Variants in SLC25A25 observed in about 807,000 individuals in gnomAD.
The protein encoded by SLC25A25 is mitochondrial adenyl nucleotide antiporter SLC25A25.
Under a neutral mutation model 57.7 loss-of-function variants are expected in SLC25A25, and 32 were observed. That is an observed-to-expected ratio of 0.55 (90% CI 0.42 to 0.74). The LOEUF is 0.74. SLC25A25 is among the 30% of genes least tolerant of loss of function. The pLI is 0.00. For missense variants in SLC25A25, 556 were observed against 701.3 expected, an observed-to-expected ratio of 0.79 and a Z score of 2.34; for synonymous variants, 306 against 291.2, an observed-to-expected ratio of 1.05 and a Z score of -0.52.
chr9:128,071,421 T>C (rs566770915), intron 1 of SLC25A25, among the ~76,000 whole-genome samples: 2 of 152,270 alleles, frequency 1.3e-5, no homozygotes, highest in East Asian at 1.9e-4. Context: ...ATTATTACTT[T>C]TCTGAGATGG....
chr9:128,102,157 A>G lies in SLC25A25; in HGVS notation c.512+42A>G, dbSNP rs990010240. The G allele has an allele frequency of 1.9e-6, 3 of 1,548,936 alleles. No homozygotes were observed. Among genetic ancestry groups the G allele is most frequent in the South Asian group, 1.2e-5 (1 of 84,020 alleles). On this transcript the variant is annotated intron_variant, in intron 4 of 10. Transcript: ENST00000373069. The surrounding 1 kb of genome is among the most constrained non-coding windows in gnomAD (Gnocchi z 4.1). Reference sequence around the variant, plus strand: ...CTCATGACTGCCTCCCTTGACTTCCATGCCTGATCAGAGCGGGATTCTTGT... The same window carrying G: ...CTCATGACTGCCTCCCTTGACTTCCGTGCCTGATCAGAGCGGGATTCTTGT...
In SLC25A25 at chr9:128,099,470, T is replaced by TG. The variant is rs1223976245; in HGVS notation, c.262-1626_262-1625insG. On this transcript the variant is annotated intron_variant, in intron 1 of 10. Coordinates refer to ENST00000373069, the MANE Select transcript of SLC25A25 (RefSeq NM_001330988.2). This position sits in a 1 kb window ranked among gnomAD's most constrained non-coding sequence, Gnocchi z 6.8. ...CTCACCCTGGCAGCAGGCGGCTGGG[T>TG]CCCAGAGGGCTCCATGCCTGATGTT... 1 of 1,073,758 alleles carries TG rather than the reference T, an allele frequency of 9.3e-7. No individual in the cohort carries two copies. Among genetic ancestry groups the TG allele is most frequent in the African/African-American group, 1.7e-5 (1 of 57,442 alleles). 66.5% of individuals were successfully genotyped at this position (1,073,758 alleles called of 1,614,324 possible).
At chr9:128,087,762 C>T (rs10819349) in intron 1 of SLC25A25, among the ~76,000 whole-genome samples, 113,051 of 152,146 alleles carry the variant, frequency 0.74, 43,819 homozygotes, top group Non-Finnish European at 0.85. Context: ...TTTTAGGAAG[C>T]TTCTATTGCT....
Position 128,108,394 on chromosome 9 carries a change from A to AGC in SLC25A25, c.*951_*952dup, listed in dbSNP as rs1385929135. On this transcript the variant is annotated 3_prime_UTR_variant, in exon 11 of 11. Coordinates refer to ENST00000373069, the MANE Select transcript of SLC25A25 (RefSeq NM_001330988.2). ...CTGTGCTTCCAGAGGAAGACGAGGG[A>AGC]GCAGGAGCTTGGCTGACTGCTCAGA... 1 of 397,526 alleles carries AGC rather than the reference A, an allele frequency of 2.5e-6. No homozygotes were observed. Among genetic ancestry groups the AGC allele is most frequent in the East Asian group, 3.6e-5 (1 of 28,060 alleles). The allele number at this position is 397,526 out of a possible 1,614,324, so 24.6% of individuals were successfully genotyped here.
At chr9:128,079,354 G>A (rs1039571630) in intron 1 of SLC25A25, among the ~76,000 whole-genome samples, 5 of 141,918 alleles carry the variant, frequency 3.5e-5, no homozygotes, top group African/African-American at 1.3e-4. Flanking sequence ...ACACAGAACC[G>A]CCTACATTGT....
chr9:128,098,292 G>C (rs1051440305), intron 1 of SLC25A25: 7 of 338,392 alleles, frequency 2.1e-5, no homozygotes, highest in African/African-American at 1.3e-4. Context: ...AGAGTTAACT[G>C]CAGGGAGGGA....
chr9:128,087,150 G>A (rs1381510520), intron 1 of SLC25A25, among the ~76,000 whole-genome samples: 3 of 151,092 alleles, frequency 2.0e-5, no homozygotes, highest in African/African-American at 7.3e-5. Context: ...GGAAGGCAGA[G>A]GTTACAGTGA....
chr9:128,076,992 T>C (rs1033469752), intron 1 of SLC25A25, among the ~76,000 whole-genome samples: 1 of 152,172 alleles, frequency 6.6e-6, no homozygotes, highest in Non-Finnish European at 1.5e-5. Flanking sequence ...TGAAATCTTG[T>C]ATCTGCTGCT....
At chr9:128,078,984 C>T (rs548549160) in intron 1 of SLC25A25, among the ~76,000 whole-genome samples, 35 of 152,194 alleles carry the variant, frequency 2.3e-4, no homozygotes, top group African/African-American at 8.2e-4. Context: ...CACAGGAAGC[C>T]GTGACTAAAA....
intron 1 of SLC25A25, among the ~76,000 whole-genome samples, chr9:128,072,379 G>T (rs1832925642): frequency 6.6e-6 from 1 of 152,212 alleles, no homozygotes; most frequent in East Asian, 1.9e-4. Context: ...ATCAAACTTT[G>T]GAAGGTGCTT....
intron 1 of SLC25A25, chr9:128,098,575 T>C (rs776767949): frequency 2.7e-5 from 43 of 1,613,900 alleles, no homozygotes; most frequent in Non-Finnish European, 3.5e-5. Context: ...ACATGCTCTG[T>C]CTGTGCCTGT....
chr9:128,107,182 A>T lies in SLC25A25; in HGVS notation c.1363+3A>T. The T allele has an allele frequency of 6.2e-7, 1 of 1,613,780 alleles. No homozygotes were observed. The highest frequency in any genetic ancestry group is 8.5e-7 in the Non-Finnish European group (1 of 1,180,020). ...CAGGACCCGGATGCAGGCGCAAGGTAAGGCTGGCCCTGGACAGTCCCCTGG... is the reference window on the plus strand; with the variant it reads ...CAGGACCCGGATGCAGGCGCAAGGTTAGGCTGGCCCTGGACAGTCCCCTGG... On this transcript the variant is annotated splice_donor_region_variant and intron_variant, in intron 10 of 10. Coordinates refer to ENST00000373069, the MANE Select transcript of SLC25A25 (RefSeq NM_001330988.2).
rs1175351152 is a variant in SLC25A25 at position 128,108,044 on chromosome 9, A to T, written c.*600A>T. On this transcript the variant is annotated 3_prime_UTR_variant, in exon 11 of 11. Transcript: ENST00000373069. ...AGGATCTGGCCTTGTGGTCACTGGC[A>T]TCTGAGCCCTGCTGATGGCTGGGGC... 1 of 398,858 alleles carries T rather than the reference A, an allele frequency of 2.5e-6. No homozygotes were observed. Among genetic ancestry groups the T allele is most frequent in the Non-Finnish European group, 4.4e-6 (1 of 226,250 alleles). 24.7% of individuals were successfully genotyped at this position (398,858 alleles called of 1,614,324 possible).
chr9:128,101,973 G>GT lies in SLC25A25; in HGVS notation c.477-106dup, dbSNP rs1833816912. The GT allele has an allele frequency of 4.6e-6, 6 of 1,306,938 alleles. No homozygotes were observed. Among genetic ancestry groups the GT allele is most frequent in the Non-Finnish European group, 6.4e-6 (6 of 935,838 alleles). 81.0% of individuals were successfully genotyped at this position (1,306,938 alleles called of 1,614,324 possible). ...TGCTGTGGCGGGCTCGTCTCGTGCC[G>GT]TGCTGTGCCCCTGTCTCTGGGTGTG... On this transcript the variant is annotated intron_variant, in intron 3 of 10. Coordinates refer to ENST00000373069, the MANE Select transcript of SLC25A25 (RefSeq NM_001330988.2). The surrounding 1 kb of genome is among the most constrained non-coding windows in gnomAD (Gnocchi z 4.9).
intron 1 of SLC25A25, chr9:128,098,501 A>T (rs1833636567): frequency 6.5e-7 from 1 of 1,550,016 alleles, no homozygotes; most frequent in African/African-American, 1.4e-5. Context: ...GTTTCCCGGG[A>T]CCGGCAGCAT....
chr9:128,078,910 A>G (rs1588751783), intron 1 of SLC25A25, among the ~76,000 whole-genome samples: 1 of 152,080 alleles, frequency 6.6e-6, no homozygotes, highest in Non-Finnish European at 1.5e-5. Context: ...ATTTATTTTC[A>G]TAGTTTATGA....
rs550178633 is a variant in SLC25A25, at chr9:128,096,900, C to T, written c.262-4196C>T. On this transcript the variant is annotated intron_variant, in intron 1 of 10. Transcript: ENST00000373069. Reference sequence around the variant, plus strand: ...AATCTGCCTGGATAATCCAGTGCGACCTCATAGGATCCGTCACTAGGGTAG... The same window carrying T: ...AATCTGCCTGGATAATCCAGTGCGATCTCATAGGATCCGTCACTAGGGTAG... Among the ~76,000 whole-genome samples the T allele has an allele frequency of 3.9e-5, 6 of 152,320 alleles. No homozygotes were observed. In the East Asian group the frequency reaches 9.6e-4, roughly 24 times the overall value.
At chr9:128,089,252 T>C (rs1357709112) in intron 1 of SLC25A25, among the ~76,000 whole-genome samples, 3 of 152,170 alleles carry the variant, frequency 2.0e-5, no homozygotes, top group African/African-American at 7.2e-5. Flanking sequence ...AGTATTAAAA[T>C]GATCTAGTTG....
At chr9:128,104,382 G>A (rs1192004599) in intron 6 of SLC25A25, among the ~76,000 whole-genome samples, 2 of 152,168 alleles carry the variant, frequency 1.3e-5, no homozygotes, top group East Asian at 1.9e-4. Context: ...CCAGGAGCCC[G>A]GCTTGGAAGA....
Sources: gnomAD v4.1 joint callset for allele counts (sites outside exome capture counted in the v4.1 genomes callset) on GRCh38, gnomAD v4.1.1 for gene constraint, Gnocchi (gnomAD v3.1) non-coding constraint, MANE v1.5 for transcripts, NCBI Gene and HGNC (gene_info 2026-07-23, HGNC 2026-07-21) for gene names.